Variants in NEGR1 observed in about 807,000 individuals in gnomAD.
The protein encoded by NEGR1 is IgLON family member 4.
A neutral mutation model predicts 40.9 loss-of-function variants in NEGR1; 10 were observed. The ratio of observed to expected loss-of-function variants is 0.24; its 90% CI spans 0.15 to 0.42. The LOEUF (loss-of-function observed/expected upper bound fraction) is 0.42. Ranked by LOEUF, NEGR1 falls within the 10% of genes least tolerant of loss-of-function variation. The pLI is 1.00. For missense variants in NEGR1, 352 were observed against 438.9 expected (o/e 0.80, Z 1.77); for synonymous variants, 185 against 166.8 (o/e 1.11, Z -0.84).
At chr1:71,688,730 T>G (rs1052291603) in intron 4 of NEGR1, among the ~76,000 whole-genome samples, 1 of 152,070 alleles carries the variant, frequency 6.6e-6, no homozygotes, top group Non-Finnish European at 1.5e-5. Context: ...AGTTTCCCTT[T>G]TTAAAGAGTT....
At chr1:71,979,813 G>A (rs1040790695) in intron 1 of NEGR1, among the ~76,000 whole-genome samples, 5 of 152,060 alleles carry the variant, frequency 3.3e-5, no homozygotes, top group Admixed American at 1.3e-4. Flanking sequence ...TTAGAAAGTG[G>A]GAATGAGGGG....
chr1:72,229,859 G>C (rs1654305341), intron 1 of NEGR1, among the ~76,000 whole-genome samples: 1 of 151,980 alleles, frequency 6.6e-6, no homozygotes, highest in African/African-American at 2.4e-5. Flanking sequence ...TTATCAAAAA[G>C]CAGAGTTAGT....
intron 6 of NEGR1, among the ~76,000 whole-genome samples, chr1:71,458,054 A>C (rs1048654079): frequency 1.3e-5 from 2 of 152,210 alleles, no homozygotes; most frequent in African/African-American, 4.8e-5. Flanking sequence ...TGTCTCTAAA[A>C]AAATCACACA....
At chr1:71,462,852 T>G (rs1646722824) in intron 6 of NEGR1, among the ~76,000 whole-genome samples, 1 of 152,176 alleles carries the variant, frequency 6.6e-6, no homozygotes, top group Non-Finnish European at 1.5e-5. Flanking sequence ...ATGTTATGGA[T>G]GTAAGTGTGC....
At chr1:72,247,077 C>A (rs2100523581) in intron 1 of NEGR1, among the ~76,000 whole-genome samples, 1 of 152,282 alleles carries the variant, frequency 6.6e-6, no homozygotes, top group African/African-American at 2.4e-5. Flanking sequence ...GGCAGAAGGA[C>A]CCTGGGGCTG....
At chr1:72,228,412 G>A (rs567298882) in intron 1 of NEGR1, among the ~76,000 whole-genome samples, 1 of 152,030 alleles carries the variant, frequency 6.6e-6, no homozygotes, top group African/African-American at 2.4e-5. Flanking sequence ...ATCTCCCCTG[G>A]TTTTCACACC....
At chr1:72,142,560 T>TAGATAGAC (rs1650726766) in intron 1 of NEGR1, among the ~76,000 whole-genome samples, 1 of 151,590 alleles carries the variant, frequency 6.6e-6, no homozygotes, top group Non-Finnish European at 1.5e-5. Context: ...GATAGATAGA[T>TAGATAGAC]AGATAGACAG....
intron 1 of NEGR1, among the ~76,000 whole-genome samples, chr1:71,965,558 C>A (rs991009085): frequency 2.0e-5 from 3 of 152,226 alleles, no homozygotes; most frequent in Non-Finnish European, 4.4e-5. Flanking sequence ...TGGTGAGGAT[C>A]AAACTGATGT....
chr1:72,103,007 C>T (rs536714750), intron 1 of NEGR1, among the ~76,000 whole-genome samples: 3 of 152,044 alleles, frequency 2.0e-5, no homozygotes, highest in Non-Finnish European at 4.4e-5. Flanking sequence ...CACCCTTATG[C>T]GAATTACCAT....
chr1:71,808,882 T>G (rs559528292), intron 2 of NEGR1, among the ~76,000 whole-genome samples: 10 of 152,274 alleles, frequency 6.6e-5, no homozygotes, highest in Non-Finnish European at 1.0e-4. Context: ...CAAACATAAA[T>G]GACACTAACA....
chr1:72,275,242 G>A, intron 1 of NEGR1: 2 of 573,584 alleles, frequency 3.5e-6, no homozygotes, highest in Middle Eastern at 4.7e-4. Flanking sequence ...TATTCATAAT[G>A]ATCTTAAAAG....
At chr1:71,944,868 T>C (rs1208169028) in intron 1 of NEGR1, among the ~76,000 whole-genome samples, 5 of 152,192 alleles carry the variant, frequency 3.3e-5, no homozygotes, top group Non-Finnish European at 7.3e-5. Context: ...TCAGTTACTA[T>C]AGTAGCCATT....
chr1:71,545,056 T>A (rs1483096345), intron 6 of NEGR1, among the ~76,000 whole-genome samples: 7 of 151,654 alleles, frequency 4.6e-5, no homozygotes, highest in Non-Finnish European at 4.4e-5. Flanking sequence ...GACTATTAAT[T>A]ATTATATGCT....
chr1:71,674,953 T>C (rs1056317761), intron 4 of NEGR1, among the ~76,000 whole-genome samples: 6 of 151,604 alleles, frequency 4.0e-5, no homozygotes, highest in African/African-American at 1.5e-4. Context: ...TTTGTATTCT[T>C]AGCAACCTTA....
chr1:72,145,830 A>AT (rs962689216), intron 1 of NEGR1, among the ~76,000 whole-genome samples: 33 of 151,896 alleles, frequency 2.2e-4, no homozygotes, highest in African/African-American at 8.0e-4. Flanking sequence ...TTCTTAAAAT[A>AT]TTTTTTTCTT....
intron 6 of NEGR1, among the ~76,000 whole-genome samples, chr1:71,429,967 G>A (rs1243082791): frequency 6.6e-6 from 1 of 152,112 alleles, no homozygotes; most frequent in African/African-American, 2.4e-5. Context: ...TATGTTCAAG[G>A]CCTTTTGCCA....
intron 6 of NEGR1, among the ~76,000 whole-genome samples, chr1:71,547,719 C>G (rs1161953000): frequency 6.6e-6 from 1 of 151,646 alleles, no homozygotes; most frequent in Non-Finnish European, 1.5e-5. Context: ...GAGAGCACTG[C>G]TTTGCCAGTT....
At chr1:72,092,842 AG>A (rs915835089) in intron 1 of NEGR1, among the ~76,000 whole-genome samples, 11 of 151,924 alleles carry the variant, frequency 7.2e-5, no homozygotes, top group African/African-American at 2.4e-4. Flanking sequence ...TGTAGAGAAT[AG>A]GTTTCACCAT....
chr1:72,222,768 T>C lies in NEGR1; in HGVS notation c.176+59551A>G, dbSNP rs145390539. ...TGCCTGGTTCTCTTGGAATGCATGC[T>C]CTTGAAAATCTTCCTAGAATTCAGC... On this transcript the variant is annotated intron_variant, in intron 1 of 6. Transcript: ENST00000357731. 5.1e-3 allele frequency among the ~76,000 whole-genome samples: 777 copies of C among 152,264 alleles called. 5 individuals are homozygous for C. The highest frequency in any genetic ancestry group is 0.018 in the African/African-American group (730 of 41,572).
Sources: allele counts gnomAD v4.1 joint callset (sites outside exome capture counted in the v4.1 genomes callset), GRCh38; gene constraint gnomAD v4.1.1; transcripts MANE v1.5; gene names NCBI Gene and HGNC (gene_info 2026-07-23, HGNC 2026-07-21).